GNB4: variants seen among roughly 807,000 people sequenced by gnomAD.
The protein encoded by GNB4 is G protein subunit beta 4, also known as guanine nucleotide-binding protein subunit beta-4.
In GNB4, 28 loss-of-function variants were observed where a neutral mutation model predicts 45.2. The observed-to-expected ratio is 0.62, with a 90% CI of 0.46 to 0.85. GNB4 has a LOEUF of 0.85. GNB4 is among the 40% of genes least tolerant of loss of function. GNB4 has a pLI of 0.00. For missense variants in GNB4, 321 were observed against 425.4 expected, an observed-to-expected ratio of 0.75 and a Z score of 2.16; for synonymous variants, 132 against 143.7, an observed-to-expected ratio of 0.92 and a Z score of 0.58.
the GNB4 span, among the ~76,000 whole-genome samples, chr3:179,459,771 G>T: frequency 1.3e-5 from 2 of 151,828 alleles, no homozygotes; most frequent in East Asian, 1.9e-4. Context: ...GTTTCATTAC[G>T]AATATTTTAT....
chr3:179,407,742 C>T (rs1004806265), intron 8 of GNB4, among the ~76,000 whole-genome samples: 4 of 149,630 alleles, frequency 2.7e-5, no homozygotes, highest in Non-Finnish European at 5.9e-5. Context: ...TACCGATCAG[C>T]AGAGCCGTGT....
rs111329606 is a variant in GNB4 at position 179,438,918 on chromosome 3, T to TC, written c.-43+12427dup. On this transcript the variant is annotated intron_variant, in intron 1 of 9. Coordinates refer to ENST00000232564, the MANE Select transcript of GNB4 (RefSeq NM_021629.4). ...TAGCAGCACCTGACTCTGTGGCCCA[T>TC]CCCCCACCCTAAGGCCTTGACTCTT... 3.8e-3 allele frequency among the ~76,000 whole-genome samples: 578 copies of TC among 152,176 alleles called. 5 individuals carry two copies. Among genetic ancestry groups the TC allele is most frequent in the African/African-American group, 0.013 (559 of 41,530 alleles).
the GNB4 span, among the ~76,000 whole-genome samples, chr3:179,520,712 C>T: frequency 2.9e-4 from 44 of 152,126 alleles, no homozygotes; most frequent in East Asian, 9.7e-4. Flanking sequence ...GACTTCAATC[C>T]GGCCTCCCAC....
chr3:179,464,957 G>A, the GNB4 span: 1 of 1,548,936 alleles, frequency 6.5e-7, no homozygotes. Context: ...GTCAAAAAGT[G>A]TTGAAATGCC....
intron 1 of GNB4, among the ~76,000 whole-genome samples, chr3:179,444,182 T>C (rs112356058): frequency 0.018 from 2,814 of 152,240 alleles, 90 homozygotes; most frequent in African/African-American, 0.064. Flanking sequence ...CCTATCTCTA[T>C]TTTCTTTATG....
At chr3:179,476,237 G>C in the GNB4 span, among the ~76,000 whole-genome samples, 1 of 152,222 alleles carries the variant, frequency 6.6e-6, no homozygotes, top group Non-Finnish European at 1.5e-5. Flanking sequence ...GGGGTAACTG[G>C]TCCACAGAAA....
the GNB4 span, among the ~76,000 whole-genome samples, chr3:179,508,932 G>GTGTGTGTATATATTTATATA: frequency 9.8e-6 from 1 of 102,178 alleles, no homozygotes; most frequent in African/African-American, 4.6e-5. Flanking sequence ...TTCAGCATGT[G>GTGTGTGTATATATTTATATA]TATATATATA....
chr3:179,479,008 C>G, the GNB4 span, among the ~76,000 whole-genome samples: 1 of 152,176 alleles, frequency 6.6e-6, no homozygotes, highest in Non-Finnish European at 1.5e-5. Flanking sequence ...AAGCAAAAGC[C>G]ACTATGCTTC....
the GNB4 span, among the ~76,000 whole-genome samples, chr3:179,514,397 G>A: frequency 1.3e-5 from 2 of 152,172 alleles, no homozygotes; most frequent in African/African-American, 2.4e-5. Context: ...GTGGGAAGTT[G>A]CCTTTAGTCA....
At chr3:179,474,431 C>T in the GNB4 span, among the ~76,000 whole-genome samples, 1 of 152,086 alleles carries the variant, frequency 6.6e-6, no homozygotes, top group Non-Finnish European at 1.5e-5. Flanking sequence ...ACCATGTTGG[C>T]CAGGCTGGTC....
At chr3:179,416,440 T>C (rs988362407) in intron 5 of GNB4, 53 bp downstream of exon 5, 29 of 1,066,386 alleles carry the variant, frequency 2.7e-5, no homozygotes, top group Non-Finnish European at 3.9e-5. Flanking sequence ...AAAGAACTGG[T>C]GAACAGCCAA....
the GNB4 span, among the ~76,000 whole-genome samples, chr3:179,494,389 C>T: frequency 3.3e-5 from 5 of 151,788 alleles, no homozygotes; most frequent in Non-Finnish European, 5.9e-5. Flanking sequence ...GAAAAAATCA[C>T]TAGCTGGGTG....
the GNB4 span, among the ~76,000 whole-genome samples, chr3:179,458,336 C>T: frequency 6.6e-6 from 1 of 152,288 alleles, no homozygotes; most frequent in East Asian, 1.9e-4. Flanking sequence ...GAGAAACCAG[C>T]TTCTGCTCTC....
chr3:179,410,850 T>C (rs1276888810), intron 8 of GNB4, among the ~76,000 whole-genome samples: 3 of 152,160 alleles, frequency 2.0e-5, no homozygotes, highest in African/African-American at 4.8e-5. Flanking sequence ...TCTATAGATA[T>C]CAAAAAAATT....
chr3:179,444,923 G>A (rs1198973731), intron 1 of GNB4, among the ~76,000 whole-genome samples: 1 of 151,808 alleles, frequency 6.6e-6, no homozygotes, highest in Non-Finnish European at 1.5e-5. Flanking sequence ...AGTAGTTAAT[G>A]ACAAATTTTC....
the GNB4 span, among the ~76,000 whole-genome samples, chr3:179,508,472 G>C: frequency 1.3e-5 from 2 of 152,172 alleles, no homozygotes; most frequent in African/African-American, 4.8e-5. Context: ...AAAATAGATA[G>C]CTATCTGCTT....
the GNB4 span, among the ~76,000 whole-genome samples, chr3:179,481,639 C>T: frequency 1.3e-5 from 2 of 151,992 alleles, no homozygotes; most frequent in Non-Finnish European, 2.9e-5. Context: ...TGTGCTGAGC[C>T]CCAAACTAAA....
chr3:179,499,450 C>A, the GNB4 span, among the ~76,000 whole-genome samples: 1 of 152,136 alleles, frequency 6.6e-6, no homozygotes, highest in East Asian at 1.9e-4. Flanking sequence ...TGAGCCACCA[C>A]GCCTGGCCAA....
the GNB4 span, among the ~76,000 whole-genome samples, chr3:179,466,137 A>T: frequency 6.7e-6 from 1 of 150,350 alleles, no homozygotes; most frequent in African/African-American, 2.5e-5. Context: ...CAGCCTCCTG[A>T]GCAGCTGGGA....
Sources: allele counts gnomAD v4.1 joint callset (sites outside exome capture counted in the v4.1 genomes callset), GRCh38; gene constraint gnomAD v4.1.1; transcripts MANE v1.5; gene names NCBI Gene and HGNC (gene_info 2026-07-23, HGNC 2026-07-21).